The following SAMD10 variants were observed in gnomAD, a reference collection of about 807,000 sequenced individuals.
SAMD10 encodes the protein sterile alpha motif domain containing 10, also known as sterile alpha motif domain-containing protein 10.
Under a neutral mutation model 22.5 loss-of-function variants are expected in SAMD10, and 16 were observed. That is an observed-to-expected ratio of 0.71 (90% CI 0.48 to 1.08). SAMD10 has a LOEUF of 1.08. Ranked by LOEUF, SAMD10 falls within the 50% of genes least tolerant of loss-of-function variation. The pLI is 0.00. For missense variants in SAMD10, 227 were observed against 281.3 expected (o/e 0.81, Z 1.38); for synonymous variants, 118 against 122.2 (o/e 0.97, Z 0.23).
rs777886485 is a variant in SAMD10 at position 63,976,996 on chromosome 20, C to T, written c.420G>A (p.Glu140=). The T allele has an allele frequency of 1.2e-6, 2 of 1,614,114 alleles. No homozygotes were observed. Among genetic ancestry groups the T allele is most frequent in the Non-Finnish European group, 1.7e-6 (2 of 1,180,020 alleles). The change falls in exon 3 of 5, where the codon GAG becomes GAA. Residue 140 remains glutamate, a synonymous_variant. Transcript: ENST00000369886. The part of the protein sequence containing the change: ...HCPHNYLVYV[E]AFSQHAITGR... Reference sequence around the variant, plus strand: ...CGGTGATGGCATGCTGGGAGAAGGCCTCCACGTAGACGAGGTAGTTGTGGG... The same window carrying T: ...CGGTGATGGCATGCTGGGAGAAGGCTTCCACGTAGACGAGGTAGTTGTGGG...
chr20:63,976,284 GGA>G (rs1282412777), intron 3 of SAMD10, among the ~76,000 whole-genome samples: 1 of 151,834 alleles, frequency 6.6e-6, no homozygotes, highest in Non-Finnish European at 1.5e-5. Flanking sequence ...AGAGAGACTC[GGA>G]GAGAGGGAGG....
In SAMD10 at chr20:63,977,508, G is replaced by A. The variant is rs984743584; in HGVS notation, c.92-102C>T. The A allele has an allele frequency of 8.2e-7, 1 of 1,213,146 alleles. No homozygotes were observed. The allele number at this position is 1,213,146 out of a possible 1,614,324, so 75.1% of individuals were successfully genotyped here. On this transcript the variant is annotated intron_variant, in intron 1 of 4. Transcript: ENST00000369886. This position sits in a 1 kb window ranked among gnomAD's most constrained non-coding sequence, Gnocchi z 5.4. The stretch of plus-strand genomic sequence containing the variant: ...CCCCATCTCCTCCACACTAGTGCGG[G>A]AAATCACCTCCCCAATGAGGGGTTC...
chr20:63,979,640 T>C lies in SAMD10; in HGVS notation c.-173A>G. ...ACGAGGCACCTGCCGCCGAGCCCTG[T>C]GTGCCGGGCGCGCTCCGGGAGCTCC... On this transcript the variant is annotated 5_prime_UTR_variant, in exon 1 of 5. Transcript: ENST00000369886. This position sits in a 1 kb window ranked among gnomAD's most constrained non-coding sequence, Gnocchi z 7.7. 1 of 984,972 alleles carries C rather than the reference T, an allele frequency of 1.0e-6. No homozygotes were observed. The highest frequency in any genetic ancestry group is 1.2e-6 in the Non-Finnish European group (1 of 829,974). The allele number at this position is 984,972 out of a possible 1,614,324, so 61.0% of individuals were successfully genotyped here.
rs1348534408 is a variant in SAMD10 at position 63,977,129 on chromosome 20, G to C, written c.287C>G (p.Ser96Cys). 2 of 1,613,826 alleles carry C rather than the reference G, an allele frequency of 1.2e-6. No individual in the cohort carries two copies. Among genetic ancestry groups the C allele is most frequent in the African/African-American group, 1.3e-5 (1 of 75,028 alleles). Residue 96 changes from serine to cysteine, a missense_variant, in exon 3 of 5, where the codon TCT becomes TGT. Coordinates refer to ENST00000369886, the MANE Select transcript of SAMD10 (RefSeq NM_080621.5). This position sits in a 1 kb window ranked among gnomAD's most constrained non-coding sequence, Gnocchi z 5.4. ...TGTATGGTACAGGCCATAGTGGTCA[G>C]AGTACAGCCGGCCCTGCAGGGGAGG... ...GTDTPQGRLYSDHYGLYHTSP... is the reference protein window; with the variant it reads ...GTDTPQGRLYCDHYGLYHTSP...
intron 3 of SAMD10, 44 bp downstream of exon 3, chr20:63,976,927 G>A (rs2059027247): frequency 6.3e-7 from 1 of 1,598,788 alleles, no homozygotes; most frequent in African/African-American, 1.3e-5. Flanking sequence ...GACGCTCTGA[G>A]GCAGGTTAGC....
chr20:63,979,508 G>T lies in SAMD10; in HGVS notation c.-41C>A. 1 of 1,215,664 alleles carries T rather than the reference G, an allele frequency of 8.2e-7. No individual in the cohort carries two copies. Among genetic ancestry groups the T allele is most frequent in the Non-Finnish European group, 1.0e-6 (1 of 973,106 alleles). The allele number at this position is 1,215,664 out of a possible 1,614,324, so 75.3% of individuals were successfully genotyped here. On this transcript the variant is annotated 5_prime_UTR_variant, in exon 1 of 5. Transcript: ENST00000369886. This position sits in a 1 kb window ranked among gnomAD's most constrained non-coding sequence, Gnocchi z 7.7. ...CAGGCCCGCGCACACGCCCCTCGCC[G>T]AGTGCAGGGCGGCCGGTGTGGCCGG...
At position 63,977,187 on chromosome 20, in the gene SAMD10, G is replaced by C. The variant is rs759286020; in HGVS notation, c.273+38C>G. The C allele has an allele frequency of 6.2e-7, 1 of 1,612,986 alleles. No individual in the cohort carries two copies. The highest frequency in any genetic ancestry group is 1.1e-5 in the South Asian group (1 of 91,054). On this transcript the variant is annotated intron_variant, in intron 2 of 4. Transcript: ENST00000369886. This position sits in a 1 kb window ranked among gnomAD's most constrained non-coding sequence, Gnocchi z 5.4. ...CAGGCAGAGTGAGAGTGGTGGAGAA[G>C]GAGGGCAGGGACGGAGGTGGGTGGA... is the stretch of plus-strand genomic sequence containing the variant.
chr20:63,979,776 G>T, upstream of SAMD10: 1 of 817,604 alleles, frequency 1.2e-6, no homozygotes, highest in Non-Finnish European at 1.5e-6. This position sits in a 1 kb window ranked among gnomAD's most constrained non-coding sequence, Gnocchi z 7.7. Flanking sequence ...CCGTGAACCT[G>T]CCGGGCGTCC....
intron 1 of SAMD10, chr20:63,978,460 C>G (rs2059039842): frequency 4.9e-6 from 2 of 408,110 alleles, no homozygotes; most frequent in Admixed American, 3.1e-5. Flanking sequence ...CACGCTAGGG[C>G]CCTCATCCCA....
rs2059015627 is a variant in SAMD10 at position 63,975,500 on chromosome 20, T to C, written c.*10A>G. On this transcript the variant is annotated 3_prime_UTR_variant, in exon 5 of 5. Transcript: ENST00000369886. ...CAGTGCTGGGGTCTGGGTTCAAGCC[T>C]CAGCAGCAGCTAGGACATTTTCCCG... The C allele has an allele frequency of 1.2e-6, 2 of 1,609,634 alleles. No individual in the cohort carries two copies. Among genetic ancestry groups the C allele is most frequent in the Admixed American group, 3.4e-5 (2 of 58,388 alleles).
At position 63,977,678 on chromosome 20, in the gene SAMD10, G is replaced by A. The variant is rs957300169; in HGVS notation, c.92-272C>T. Among the ~76,000 whole-genome samples the A allele has an allele frequency of 6.6e-6, 1 of 152,204 alleles. No individual in the cohort carries two copies. Among genetic ancestry groups the A allele is most frequent in the African/African-American group, 2.4e-5 (1 of 41,442 alleles). ...AGCAGGATGGATTCTTAGATCAGAGGATGTGCCCTCTAGGGAAGGGAACCT... is the reference window on the plus strand; with the variant it reads ...AGCAGGATGGATTCTTAGATCAGAGAATGTGCCCTCTAGGGAAGGGAACCT... On this transcript the variant is annotated intron_variant, in intron 1 of 4. Coordinates refer to ENST00000369886, the MANE Select transcript of SAMD10 (RefSeq NM_080621.5). This position sits in a 1 kb window ranked among gnomAD's most constrained non-coding sequence, Gnocchi z 5.4.
At chr20:63,978,152 C>T in intron 1 of SAMD10, 1 of 458,798 alleles carries the variant, frequency 2.2e-6, no homozygotes, top group Non-Finnish European at 4.2e-6. Flanking sequence ...TGCTTGGGGA[C>T]CCACGGTGAT....
chr20:63,979,017 G>A lies in SAMD10; in HGVS notation c.91+360C>T, dbSNP rs1432455913. On this transcript the variant is annotated intron_variant, in intron 1 of 4. Transcript: ENST00000369886. The surrounding 1 kb of genome is among the most constrained non-coding windows in gnomAD (Gnocchi z 7.7). The stretch of plus-strand genomic sequence containing the variant: ...AACGTCAGGATTCCAGAAGGAAATG[G>A]GGCGGGGGCACCGAGGCGGGATGTG... Among the ~76,000 whole-genome samples, 1 of 152,320 alleles carries A rather than the reference G, an allele frequency of 6.6e-6. No individual in the cohort carries two copies. Among genetic ancestry groups the A allele is most frequent in the Admixed American group, 6.5e-5 (1 of 15,308 alleles).
rs1210303895 is a variant in SAMD10 at position 63,979,045 on chromosome 20, C to CTCGGCCCCCTT, written c.91+321_91+331dup. On this transcript the variant is annotated intron_variant, in intron 1 of 4. Coordinates refer to ENST00000369886, the MANE Select transcript of SAMD10 (RefSeq NM_080621.5). The surrounding 1 kb of genome is among the most constrained non-coding windows in gnomAD (Gnocchi z 7.7). ...CGGGGGCACCGAGGCGGGATGTGAC[C>CTCGGCCCCCTT]TCGGCCCCCTTTCGGCCCCACTGCA... 3.3e-5 allele frequency among the ~76,000 whole-genome samples: 5 copies of CTCGGCCCCCTT among 152,188 alleles called. No individual in the cohort carries two copies. The highest frequency in any genetic ancestry group is 1.2e-4 in the African/African-American group (5 of 41,454).
At chr20:63,978,995 G>T (rs898835615) in intron 1 of SAMD10, among the ~76,000 whole-genome samples, 1 of 152,158 alleles carries the variant, frequency 6.6e-6, no homozygotes, top group Non-Finnish European at 1.5e-5. Flanking sequence ...CCGCCCCAAC[G>T]TCAGGATTCC....
At chr20:63,980,123 A>C (rs2059054165), upstream of SAMD10, 2 of 152,656 alleles carry the variant, frequency 1.3e-5, no homozygotes, top group African/African-American at 4.8e-5. Flanking sequence ...GGGAACTCCA[A>C]GGAGGCTGTA....
chr20:63,978,150 G>T, intron 1 of SAMD10: 1 of 451,164 alleles, frequency 2.2e-6, no homozygotes. Context: ...ATTGCTTGGG[G>T]ACCCACGGTG....
chr20:63,977,008 G>A lies in SAMD10; in HGVS notation c.408C>T (p.Leu136=), dbSNP rs143779211. 10 of 1,614,030 alleles carry A rather than the reference G, an allele frequency of 6.2e-6. No homozygotes were observed. In the African/African-American group the frequency reaches 6.7e-5, roughly 11 times the overall value. ...WLKKHCPHNY[L]VYVEAFSQHA... is the part of the protein sequence containing the mutation. ...GCTGGGAGAAGGCCTCCACGTAGAC[G>A]AGGTAGTTGTGGGGACAGTGCTTCT... The change falls in exon 3 of 5, where the codon CTC becomes CTT. Residue 136 remains leucine (L), a synonymous_variant. Transcript: ENST00000369886. The surrounding 1 kb of genome is among the most constrained non-coding windows in gnomAD (Gnocchi z 5.4).
rs1270379109 is a variant in SAMD10, at chr20:63,979,541, C to A, written c.-74G>T. On this transcript the variant is annotated 5_prime_UTR_variant, in exon 1 of 5. Coordinates refer to ENST00000369886, the MANE Select transcript of SAMD10 (RefSeq NM_080621.5). The surrounding 1 kb of genome is among the most constrained non-coding windows in gnomAD (Gnocchi z 7.7). ...GGCGGCCGGTGTGGCCGGCGGGGAA[C>A]GCGCGCCGCCGCCCCGCCCCGCCCC... 1 of 1,013,332 alleles carries A rather than the reference C, an allele frequency of 9.9e-7. No individual in the cohort carries two copies. Among genetic ancestry groups the A allele is most frequent in the East Asian group, 8.9e-5 (1 of 11,178 alleles). 62.8% of individuals were successfully genotyped at this position (1,013,332 alleles called of 1,614,324 possible). A position where few individuals can be genotyped will look rare whatever the true frequency, so the allele number is the denominator to read the frequency against.
Sources: allele counts gnomAD v4.1 joint callset (sites outside exome capture counted in the v4.1 genomes callset), GRCh38; gene constraint gnomAD v4.1.1; non-coding constraint Gnocchi (gnomAD v3.1); transcripts MANE v1.5; gene names NCBI Gene and HGNC (gene_info 2026-07-23, HGNC 2026-07-21).